EML6: variants seen among roughly 807,000 people sequenced by gnomAD.
EML6 encodes echinoderm microtubule-associated protein-like 6.
EML6 carries 154 observed loss-of-function variants against 240.1 expected under a neutral mutation model. That is an observed-to-expected ratio of 0.64 (90% CI 0.56 to 0.73). The LOEUF is 0.73. EML6 is among the 30% of genes least tolerant of loss of function. EML6 has a pLI of 0.00. For missense variants in EML6, 2,964 were observed against 2,474.6 expected (o/e 1.20, Z -4.20); for synonymous variants, 1,148 against 899.0 (o/e 1.28, Z -4.95).
chr2:54,861,172 C>A (rs1670651695), intron 12 of EML6, among the ~76,000 whole-genome samples: 1 of 152,202 alleles, frequency 6.6e-6, no homozygotes, highest in African/African-American at 2.4e-5. Flanking sequence ...CAGAGCTCAG[C>A]ACTTCATGAG....
intron 41 of EML6, 60 bp downstream of exon 41, chr2:54,968,828 C>T: frequency 1.1e-6 from 1 of 907,118 alleles, no homozygotes; most frequent in South Asian, 1.4e-5. Flanking sequence ...CCCTCCCCAT[C>T]TCAGGCATCC....
At chr2:54,730,120 G>A (rs1301909942) in intron 2 of EML6, among the ~76,000 whole-genome samples, 1 of 151,390 alleles carries the variant, frequency 6.6e-6, no homozygotes, top group Non-Finnish European at 1.5e-5. Context: ...TGGGCGACAA[G>A]AGTGAGGCCC....
Position 54,895,467 on chromosome 2 carries a change from A to C in EML6, c.2982+67A>C, listed in dbSNP as rs1026763323. ...CTGGGACTAGAGTGAGGCAAAGTTG[A>C]TGCTTAGGTTGCAAAACTTAAGGAG... On this transcript the variant is annotated intron_variant, in intron 21 of 41. Transcript: ENST00000356458. 5 of 1,502,164 alleles carry C rather than the reference A, an allele frequency of 3.3e-6. No individual in the cohort carries two copies. The South Asian group carries it at 6.2e-5, about 19-fold the overall frequency. 93.1% of individuals were successfully genotyped at this position (1,502,164 alleles called of 1,614,324 possible).
chr2:54,968,860 G>A (rs1676867453), intron 41 of EML6, 92 bp downstream of exon 41: 5 of 676,216 alleles, frequency 7.4e-6, no homozygotes, highest in African/African-American at 5.4e-5. Context: ...CTCTCCCAGG[G>A]GCATGAGGAG....
At position 54,774,729 on chromosome 2, in the gene EML6, A is replaced by G. The variant is rs1668527548; in HGVS notation, c.198-38503A>G. 6.6e-6 allele frequency among the ~76,000 whole-genome samples: 1 copy of G among 152,240 alleles called. No individual in the cohort carries two copies. Among genetic ancestry groups the G allele is most frequent in the South Asian group, 2.1e-4 (1 of 4,830 alleles). ...CTCCCCGAGGATCTTGTGGGACTAA[A>G]AGAGTTGGCATCCCTAGTCTAATGA... On this transcript the variant is annotated intron_variant, in intron 2 of 41. Coordinates refer to ENST00000356458, the MANE Select transcript of EML6 (RefSeq NM_001039753.4). The surrounding 1 kb of genome is among the most constrained non-coding windows in gnomAD (Gnocchi z 4.1).
intron 2 of EML6, among the ~76,000 whole-genome samples, chr2:54,806,511 G>C (rs757889038): frequency 6.7e-6 from 1 of 149,972 alleles, no homozygotes; most frequent in Non-Finnish European, 1.5e-5. Flanking sequence ...TACTCGGGAT[G>C]CTGAGGCAGG....
chr2:54,824,618 G>C (rs1213703143), intron 5 of EML6, among the ~76,000 whole-genome samples: 1 of 152,068 alleles, frequency 6.6e-6, no homozygotes, highest in Non-Finnish European at 1.5e-5. Context: ...CTATGTTTTG[G>C]CAAATAGGAA....
intron 26 of EML6, among the ~76,000 whole-genome samples, chr2:54,918,701 A>G (rs1674062893): frequency 6.6e-6 from 1 of 152,222 alleles, no homozygotes; most frequent in African/African-American, 2.4e-5. Context: ...AGTAACAGAC[A>G]TTTAAATTTA....
intron 2 of EML6, among the ~76,000 whole-genome samples, chr2:54,804,292 T>C (rs1386624046): frequency 1.3e-5 from 2 of 152,238 alleles, no homozygotes; most frequent in East Asian, 3.8e-4. Flanking sequence ...GATACAACCC[T>C]CAATGCTTGA....
intron 28 of EML6, among the ~76,000 whole-genome samples, chr2:54,933,807 C>T (rs184284598): frequency 3.3e-4 from 50 of 152,238 alleles, no homozygotes; most frequent in Admixed American, 1.2e-3. Flanking sequence ...ATGCCACCTT[C>T]CCAAAAAGAG....
At chr2:54,962,770 C>T (rs1008940187) in intron 36 of EML6, 59 bp downstream of exon 36, 15 of 1,371,310 alleles carry the variant, frequency 1.1e-5, no homozygotes, top group Non-Finnish European at 1.1e-5. Flanking sequence ...GCAGTGGGAG[C>T]TGAGCGAGGA....
intron 2 of EML6, among the ~76,000 whole-genome samples, chr2:54,767,316 A>G (rs546795995): frequency 6.6e-4 from 100 of 152,328 alleles, no homozygotes; most frequent in African/African-American, 2.4e-3. Flanking sequence ...CTAATGCATC[A>G]ACATAGATAT....
In EML6 at chr2:54,724,623, A is replaced by G. The variant is rs572443618; in HGVS notation, c.-439A>G. Reference sequence around the variant, plus strand: ...GCCTGTCAAATCAAGGCTATCGCAGAATAAATCCCGCCGCCTGCCGCGAAG... The same window carrying G: ...GCCTGTCAAATCAAGGCTATCGCAGGATAAATCCCGCCGCCTGCCGCGAAG... On this transcript the variant is annotated 5_prime_UTR_variant, in exon 2 of 42. Transcript: ENST00000356458. This position sits in a 1 kb window ranked among gnomAD's most constrained non-coding sequence, Gnocchi z 5.2. 1.2e-3 allele frequency: 183 copies of G among 152,654 alleles called. No individual in the cohort carries two copies. Among genetic ancestry groups the G allele is most frequent in the Admixed American group, 2.7e-3 (42 of 15,314 alleles). The allele number at this position is 152,654 out of a possible 1,614,324, so 9.5% of individuals were successfully genotyped here.
intron 7 of EML6, among the ~76,000 whole-genome samples, chr2:54,833,946 T>C (rs1023266526): frequency 2.6e-5 from 4 of 152,254 alleles, no homozygotes; most frequent in Admixed American, 1.3e-4. Flanking sequence ...TATTTTGTTA[T>C]AGAAATATTT....
At chr2:54,761,276 A>C (rs1486986426) in intron 2 of EML6, among the ~76,000 whole-genome samples, 1 of 152,166 alleles carries the variant, frequency 6.6e-6, no homozygotes, top group Non-Finnish European at 1.5e-5. Context: ...GAACCAAAAA[A>C]TATGATAATA....
At chr2:54,846,340 A>G (rs1023107391) in intron 8 of EML6, among the ~76,000 whole-genome samples, 5 of 152,054 alleles carry the variant, frequency 3.3e-5, no homozygotes, top group African/African-American at 1.2e-4. Context: ...GCACTTTTAT[A>G]TATTTACATA....
chr2:54,750,080 T>C (rs1684090424), intron 2 of EML6, among the ~76,000 whole-genome samples: 1 of 152,190 alleles, frequency 6.6e-6, no homozygotes. Context: ...GGAAGTACTT[T>C]GGCACAGAGC....
intron 11 of EML6, among the ~76,000 whole-genome samples, chr2:54,856,133 CTA>C (rs138294353): frequency 1.3e-5 from 2 of 152,350 alleles, no homozygotes; most frequent in Non-Finnish European, 2.9e-5. Context: ...TGCTACTGTA[CTA>C]TGTTTACGTA....
chr2:54,952,333 G>A (rs1171962320), intron 30 of EML6, among the ~76,000 whole-genome samples: 2 of 152,100 alleles, frequency 1.3e-5, no homozygotes, highest in Admixed American at 6.6e-5. Flanking sequence ...CCCACACAGA[G>A]TTGTGGGAAG....
Sources: allele counts gnomAD v4.1 joint callset (sites outside exome capture counted in the v4.1 genomes callset), GRCh38; gene constraint gnomAD v4.1.1; non-coding constraint Gnocchi (gnomAD v3.1); transcripts MANE v1.5; gene names NCBI Gene and HGNC (gene_info 2026-07-23, HGNC 2026-07-21).